Variants in FHIT observed in about 807,000 individuals in gnomAD.
The protein encoded by FHIT is bis(5'-adenosyl)-triphosphatase.
A neutral mutation model predicts 17.9 loss-of-function variants in FHIT; 19 were observed. That is an observed-to-expected ratio of 1.06 (90% CI 0.74 to 1.56). The LOEUF (loss-of-function observed/expected upper bound fraction) is 1.56, where lower values mean the gene tolerates loss of function less well. Ranked by LOEUF, FHIT falls within the 40% of genes most tolerant of loss-of-function variation. The pLI is 0.00. For synonymous variants in FHIT, 81 were observed against 69.7 expected (o/e 1.16, Z -0.81); for missense variants, 248 against 189.2 (o/e 1.31, Z -1.82).
intron 1 of FHIT, among the ~76,000 whole-genome samples, chr3:61,202,842 A>C (rs2039071169): frequency 6.6e-6 from 1 of 152,102 alleles, no homozygotes; most frequent in African/African-American, 2.4e-5. Context: ...ACCTGAAGTC[A>C]GGAGTTTGAG....
chr3:60,475,199 T>C (rs1271683191), intron 5 of FHIT, among the ~76,000 whole-genome samples: 1 of 152,164 alleles, frequency 6.6e-6, no homozygotes, highest in Non-Finnish European at 1.5e-5. Flanking sequence ...ATCTCTTTAA[T>C]CTTCACTACA....
At chr3:60,591,748 A>G (rs1553664373) in intron 4 of FHIT, among the ~76,000 whole-genome samples, 2 of 152,074 alleles carry the variant, frequency 1.3e-5, no homozygotes, top group Non-Finnish European at 2.9e-5. Flanking sequence ...GTTCAAATAC[A>G]CGGCAGAAGA....
chr3:59,955,267 G>A (rs1452412472), intron 7 of FHIT, among the ~76,000 whole-genome samples: 1 of 152,134 alleles, frequency 6.6e-6, no homozygotes, highest in African/African-American at 2.4e-5. Context: ...TGGCACAAAG[G>A]GGCTGCTCCT....
chr3:61,010,334 T>C (rs373678561), intron 3 of FHIT, among the ~76,000 whole-genome samples: 1 of 152,196 alleles, frequency 6.6e-6, no homozygotes, highest in Non-Finnish European at 1.5e-5. Flanking sequence ...ATTTTCCACT[T>C]AGGGTATTAT....
At chr3:61,026,621 C>T (rs528473633) in intron 3 of FHIT, among the ~76,000 whole-genome samples, 1 of 152,074 alleles carries the variant, frequency 6.6e-6, no homozygotes, top group African/African-American at 2.4e-5. Flanking sequence ...ACACAAAATC[C>T]TAAACTCTCT....
chr3:61,139,435 G>A (rs1315938707), intron 2 of FHIT, among the ~76,000 whole-genome samples: 1 of 152,088 alleles, frequency 6.6e-6, no homozygotes, highest in Non-Finnish European at 1.5e-5. Flanking sequence ...GATGGAATTA[G>A]GAAGTGGGAC....
chr3:60,491,037 G>C (rs995121552), intron 5 of FHIT, among the ~76,000 whole-genome samples: 2 of 152,112 alleles, frequency 1.3e-5, no homozygotes, highest in Non-Finnish European at 2.9e-5. Context: ...AACCCAAAAA[G>C]TATATGTTGC....
chr3:59,814,753 C>T (rs1309204498), intron 8 of FHIT, among the ~76,000 whole-genome samples: 4 of 152,208 alleles, frequency 2.6e-5, no homozygotes, highest in African/African-American at 9.6e-5. Context: ...TCTCATGGAG[C>T]TCCCAATATA....
At chr3:60,785,079 G>A (rs1372643631) in intron 4 of FHIT, among the ~76,000 whole-genome samples, 5 of 152,154 alleles carry the variant, frequency 3.3e-5, no homozygotes, top group Non-Finnish European at 7.3e-5. Flanking sequence ...CCAGAAAGAT[G>A]GGGATCTGAA....
intron 2 of FHIT, among the ~76,000 whole-genome samples, chr3:61,057,160 A>G (rs1011461456): frequency 1.3e-5 from 2 of 152,242 alleles, no homozygotes; most frequent in Non-Finnish European, 2.9e-5. Context: ...AAATAATATC[A>G]TTCATCTTGT....
chr3:59,882,826 T>C (rs180803196), intron 8 of FHIT, among the ~76,000 whole-genome samples: 97 of 152,350 alleles, frequency 6.4e-4, no homozygotes, highest in Middle Eastern at 3.4e-3. Context: ...AAACATGGCA[T>C]GTTCCTTAGT....
At chr3:61,057,620 T>C (rs1559947753) in intron 2 of FHIT, among the ~76,000 whole-genome samples, 1 of 152,204 alleles carries the variant, frequency 6.6e-6, no homozygotes, top group African/African-American at 2.4e-5. Flanking sequence ...TTATGTTACA[T>C]GTTGGTTAAT....
At chr3:60,908,654 C>T (rs1212019310) in intron 3 of FHIT, among the ~76,000 whole-genome samples, 2 of 140,456 alleles carry the variant, frequency 1.4e-5, no homozygotes, top group African/African-American at 5.3e-5. Flanking sequence ...AGGGAAATGT[C>T]AGCAATCTAA....
chr3:60,937,651 C>T (rs911523255), intron 3 of FHIT, among the ~76,000 whole-genome samples: 1 of 150,918 alleles, frequency 6.6e-6, no homozygotes, highest in Non-Finnish European at 1.5e-5. Flanking sequence ...GCAACCTCCA[C>T]CTCCTAGGTT....
rs183494409 is a variant in FHIT at position 59,854,266 on chromosome 3, G to A, written c.348+68080C>T. Among the ~76,000 whole-genome samples, 355 of 152,208 alleles carry A rather than the reference G, an allele frequency of 2.3e-3. 3 individuals are homozygous for A. Among genetic ancestry groups the A allele is most frequent in the Admixed American group, 3.6e-3 (55 of 15,278 alleles). On this transcript the variant is annotated intron_variant, in intron 8 of 9. Coordinates refer to ENST00000492590, the MANE Select transcript of FHIT (RefSeq NM_002012.4). ...TTAAAGGGTCCCTGCTGTATAACTCGCCCGGAAGCATTCCAGGGGGAAGAA... is the reference window on the plus strand; with the variant it reads ...TTAAAGGGTCCCTGCTGTATAACTCACCCGGAAGCATTCCAGGGGGAAGAA...
intron 5 of FHIT, among the ~76,000 whole-genome samples, chr3:60,345,388 C>G (rs1476555269): frequency 6.6e-6 from 1 of 152,188 alleles, no homozygotes; most frequent in African/African-American, 2.4e-5. Flanking sequence ...CAGGAATAAG[C>G]TTCTTTACCA....
chr3:60,268,325 C>T (rs935148829), intron 5 of FHIT, among the ~76,000 whole-genome samples: 2 of 152,166 alleles, frequency 1.3e-5, no homozygotes, highest in African/African-American at 4.8e-5. Context: ...GATTAGATTA[C>T]TAACAGTGTT....
At chr3:60,543,101 A>AT (rs908696296) in intron 4 of FHIT, among the ~76,000 whole-genome samples, 38 of 149,756 alleles carry the variant, frequency 2.5e-4, no homozygotes, top group East Asian at 9.8e-4. Flanking sequence ...ATTTTTGCAC[A>AT]TTTTTTTTTT....
At chr3:60,202,571 T>A (rs1431929618) in intron 5 of FHIT, among the ~76,000 whole-genome samples, 1 of 152,196 alleles carries the variant, frequency 6.6e-6, no homozygotes, top group East Asian at 1.9e-4. Flanking sequence ...GATGTGTAAC[T>A]AATTCTGGAA....
Sources: gnomAD v4.1 joint callset for allele counts (sites outside exome capture counted in the v4.1 genomes callset) on GRCh38, gnomAD v4.1.1 for gene constraint, MANE v1.5 for transcripts, NCBI Gene and HGNC (gene_info 2026-07-23, HGNC 2026-07-21) for gene names.